ARHGAP6: variants seen among roughly 807,000 people sequenced by gnomAD.
The protein encoded by ARHGAP6 is rho GTPase-activating protein 6.
ARHGAP6 carries 16 observed loss-of-function variants against 55.7 expected under a neutral mutation model. The observed-to-expected ratio is 0.29, with a 90% confidence interval of 0.19 to 0.44. ARHGAP6 has a LOEUF of 0.44. Among genes scored for constraint, ARHGAP6 ranks in the 20% least tolerant of loss-of-function variants. The pLI is 1.00. For missense variants in ARHGAP6, 698 were observed against 808.9 expected (o/e 0.86, Z 1.66); for synonymous variants, 382 against 360.9 (o/e 1.06, Z -0.66).
intron 1 of ARHGAP6, among the ~76,000 whole-genome samples, chrX:11,660,469 T>C (rs769755772): frequency 5.9e-4 from 54 of 91,395 alleles, no homozygotes; most frequent in South Asian, 1.2e-3. Context: ...GGAGGTTGCA[T>C]TGAGCTGAGA....
At chrX:11,246,241 T>C (rs1226435604) in intron 2 of ARHGAP6, among the ~76,000 whole-genome samples, 1 of 111,411 alleles carries the variant, frequency 9.0e-6, no homozygotes, top group African/African-American at 3.3e-5. Flanking sequence ...ATAAGTTTTA[T>C]GGAGAGTATA....
intron 1 of ARHGAP6, among the ~76,000 whole-genome samples, chrX:11,600,574 C>T (rs189720991): frequency 4.5e-5 from 5 of 112,181 alleles, no homozygotes; most frequent in Admixed American, 3.8e-4. Flanking sequence ...CTGTGCAGGG[C>T]TAAGTGGAAA....
At chrX:11,378,079 C>T (rs141471118) in intron 1 of ARHGAP6, among the ~76,000 whole-genome samples, 1,290 of 111,570 alleles carry the variant, frequency 0.012, 8 homozygotes, top group Non-Finnish European at 0.019. Flanking sequence ...TGGTTCGCTG[C>T]GTATAGTGTC....
intron 1 of ARHGAP6, among the ~76,000 whole-genome samples, chrX:11,630,642 T>C (rs865862759): frequency 3.6e-5 from 4 of 110,327 alleles, no homozygotes; most frequent in Admixed American, 9.6e-5. Context: ...GATGGATGGA[T>C]GGACAGACAG....
intron 1 of ARHGAP6, among the ~76,000 whole-genome samples, chrX:11,435,542 C>T (rs1308873032): frequency 8.9e-6 from 1 of 111,897 alleles, no homozygotes; most frequent in East Asian, 2.8e-4. Flanking sequence ...CTCCCCAGAG[C>T]CTACTTGCAC....
intron 1 of ARHGAP6, among the ~76,000 whole-genome samples, chrX:11,476,082 G>A (rs1430615283): frequency 9.4e-6 from 1 of 106,510 alleles, no homozygotes; most frequent in Non-Finnish European, 1.9e-5. Context: ...TGAAAACAAA[G>A]GAGAAATACT....
At chrX:11,399,848 T>C (rs1454618580) in intron 1 of ARHGAP6, among the ~76,000 whole-genome samples, 1 of 112,160 alleles carries the variant, frequency 8.9e-6, no homozygotes, top group Non-Finnish European at 1.9e-5. Flanking sequence ...AGCTGATGAA[T>C]GAATAAACAA....
At chrX:11,244,231 A>G (rs921235845) in intron 2 of ARHGAP6, among the ~76,000 whole-genome samples, 15 of 112,321 alleles carry the variant, frequency 1.3e-4, no homozygotes, top group Admixed American at 1.0e-3. Context: ...TTCTGTAAAG[A>G]TCCAGAGAAT....
chrX:11,420,334 G>A (rs781046292), intron 1 of ARHGAP6, among the ~76,000 whole-genome samples: 5 of 111,672 alleles, frequency 4.5e-5, no homozygotes, highest in Non-Finnish European at 7.5e-5. Context: ...AGGTTAGAAT[G>A]AGAAAACCTG....
At chrX:11,375,605 G>A (rs1249634611) in intron 1 of ARHGAP6, among the ~76,000 whole-genome samples, 1 of 112,058 alleles carries the variant, frequency 8.9e-6, no homozygotes. Flanking sequence ...AAGTTTGGCT[G>A]CAGAACATGG....
intron 1 of ARHGAP6, among the ~76,000 whole-genome samples, chrX:11,369,391 C>A (rs949355373): frequency 9.0e-6 from 1 of 110,908 alleles, no homozygotes; most frequent in Non-Finnish European, 1.9e-5. Context: ...GGGCTGAGGA[C>A]AGCACTTTGA....
chrX:11,559,990 A>C (rs1438528019), intron 1 of ARHGAP6, among the ~76,000 whole-genome samples: 1 of 107,300 alleles, frequency 9.3e-6, no homozygotes, highest in African/African-American at 3.4e-5. Context: ...TATTGAAAAG[A>C]TAAATCAACC....
chrX:11,241,531 CGTGTGTGTGTGTGT>C lies in ARHGAP6; in HGVS notation c.748+13003_748+13016del, dbSNP rs55815640. The stretch of plus-strand genomic sequence containing the variant: ...CCCATCATTCAGGCAATGCTGGATA[CGTGTGTGTGTGTGT>C]GTGTGTGTGTGTGTGTGTGTGTGTG... On this transcript the variant is annotated intron_variant, in intron 2 of 12. Coordinates refer to ENST00000337414, the MANE Select transcript of ARHGAP6 (RefSeq NM_013427.3). Among the ~76,000 whole-genome samples the C allele has an allele frequency of 5.9e-3, 542 of 91,711 alleles. 4 individuals are homozygous for C. The highest frequency in any genetic ancestry group is 0.02 in the African/African-American group (504 of 25,299). The allele number at this position is 91,711 out of a possible 115,157, so 79.6% of individuals were successfully genotyped here. A position where few individuals can be genotyped will look rare whatever the true frequency, so the allele number is the denominator to read the frequency against.
chrX:11,534,633 C>A (rs1306755928), intron 1 of ARHGAP6, among the ~76,000 whole-genome samples: 2 of 110,045 alleles, frequency 1.8e-5, no homozygotes, highest in Non-Finnish European at 3.8e-5. Context: ...TAGCGAACAG[C>A]CCTGTCCAAC....
intron 1 of ARHGAP6, among the ~76,000 whole-genome samples, chrX:11,259,237 G>A (rs182835903): frequency 8.9e-6 from 1 of 111,791 alleles, no homozygotes; most frequent in Non-Finnish European, 1.9e-5. Flanking sequence ...AAGAACATGC[G>A]ATGTTTGTCT....
At chrX:11,210,693 A>G (rs375193985) in intron 2 of ARHGAP6, among the ~76,000 whole-genome samples, 49 of 112,349 alleles carry the variant, frequency 4.4e-4, no homozygotes, top group Non-Finnish European at 7.3e-4. Context: ...CCACAAACCG[A>G]AGATGGGTCA....
intron 1 of ARHGAP6, among the ~76,000 whole-genome samples, chrX:11,478,961 A>G (rs2147835477): frequency 8.9e-6 from 1 of 112,323 alleles, no homozygotes; most frequent in South Asian, 3.7e-4. Flanking sequence ...TTGGGAATCC[A>G]AACATTTTCT....
Position 11,267,061 on chromosome X carries a change from T to G in ARHGAP6, c.589-12354A>C, listed in dbSNP as rs765592839. Among the ~76,000 whole-genome samples, 14 of 111,845 alleles carry G rather than the reference T, an allele frequency of 1.3e-4. No homozygotes were observed. The South Asian group carries it at 5.2e-3, about 41-fold the overall frequency. On this transcript the variant is annotated intron_variant, in intron 1 of 12. Coordinates refer to ENST00000337414, the MANE Select transcript of ARHGAP6 (RefSeq NM_013427.3). The stretch of plus-strand genomic sequence containing the variant: ...CCTCCACCACCACTATCCTAAAAAC[T>G]GATGTTGAAAATACGCATTATTCCA...
intron 2 of ARHGAP6, among the ~76,000 whole-genome samples, chrX:11,206,731 T>G (rs1304505122): frequency 4.5e-5 from 5 of 111,782 alleles, no homozygotes; most frequent in African/African-American, 1.6e-4. Flanking sequence ...ATTGAGGCTC[T>G]GCTTTATTTC....
Sources: allele counts gnomAD v4.1 joint callset (sites outside exome capture counted in the v4.1 genomes callset), GRCh38; gene constraint gnomAD v4.1.1; transcripts MANE v1.5; gene names NCBI Gene and HGNC (gene_info 2026-07-23, HGNC 2026-07-21).